Variants in FARS2 observed in about 807,000 individuals in gnomAD.
FARS2 encodes the protein phenylalanyl-tRNA synthetase 2, mitochondrial.
Under a neutral mutation model 46.4 loss-of-function variants are expected in FARS2, and 40 were observed. The observed-to-expected ratio is 0.86, with a 90% CI of 0.67 to 1.12. The LOEUF (loss-of-function observed/expected upper bound fraction) is 1.12, where lower values mean the gene tolerates loss of function less well. Ranked by LOEUF, FARS2 falls within the 50% of genes most tolerant of loss-of-function variation. The pLI, the probability that FARS2 is intolerant of heterozygous loss-of-function variation, is 0.00. For missense variants in FARS2, 513 were observed against 567.9 expected (o/e 0.90, Z 0.98); for synonymous variants, 234 against 214.9 (o/e 1.09, Z -0.78).
intron 6 of FARS2, among the ~76,000 whole-genome samples, chr6:5,688,803 A>G (rs1229894314): frequency 3.3e-5 from 5 of 152,224 alleles, no homozygotes; most frequent in African/African-American, 1.2e-4. Context: ...TATGTCTGGT[A>G]GAATTCGGCT....
chr6:5,301,410 C>G (rs1300055644), intron 1 of FARS2, among the ~76,000 whole-genome samples: 1 of 152,064 alleles, frequency 6.6e-6, no homozygotes, highest in Non-Finnish European at 1.5e-5. Flanking sequence ...GTGATCGTGC[C>G]ACTGTACTGT....
intron 1 of FARS2, among the ~76,000 whole-genome samples, chr6:5,298,129 A>G (rs17140129): frequency 0.15 from 23,499 of 152,200 alleles, 2,006 homozygotes; most frequent in African/African-American, 0.22. Context: ...GAGGATATGC[A>G]TTTTCCCTCA....
intron 6 of FARS2, among the ~76,000 whole-genome samples, chr6:5,641,471 A>T (rs1297382583): frequency 6.6e-6 from 1 of 151,984 alleles, no homozygotes; most frequent in East Asian, 1.9e-4. Flanking sequence ...TAATGTTTGT[A>T]TTTTTAGTAG....
At chr6:5,502,930 A>T (rs984428060) in intron 4 of FARS2, among the ~76,000 whole-genome samples, 1 of 152,036 alleles carries the variant, frequency 6.6e-6, no homozygotes, top group African/African-American at 2.4e-5. Flanking sequence ...GATTCATGGG[A>T]TAAGAGGAAT....
chr6:5,722,248 C>T (rs548330362), intron 6 of FARS2, among the ~76,000 whole-genome samples: 1 of 152,270 alleles, frequency 6.6e-6, no homozygotes, highest in African/African-American at 2.4e-5. Flanking sequence ...CAAATAAAGT[C>T]TTAATAGTAT....
intron 1 of FARS2, among the ~76,000 whole-genome samples, chr6:5,266,846 T>C (rs1451989300): frequency 6.6e-6 from 1 of 152,256 alleles, no homozygotes; most frequent in Non-Finnish European, 1.5e-5. Flanking sequence ...ATTTACATTT[T>C]ATTCTATTAA....
chr6:5,630,262 A>G lies in FARS2; in HGVS notation c.1217+16942A>G, dbSNP rs1269862925. ...GGAAGTCAAAGAGCAGAGGCTGGGA[A>G]TGAAAGCCATTGGAAGGTACAGTCT... On this transcript the variant is annotated intron_variant, in intron 6 of 6. Coordinates refer to ENST00000274680, the MANE Select transcript of FARS2 (RefSeq NM_006567.5). This position sits in a 1 kb window ranked among gnomAD's most constrained non-coding sequence, Gnocchi z 4.2. Among the ~76,000 whole-genome samples, 1 of 152,190 alleles carries G rather than the reference A, an allele frequency of 6.6e-6. No homozygotes were observed. Among genetic ancestry groups the G allele is most frequent in the Non-Finnish European group, 1.5e-5 (1 of 68,036 alleles).
At chr6:5,531,475 G>A (rs953249205) in intron 4 of FARS2, among the ~76,000 whole-genome samples, 1 of 152,132 alleles carries the variant, frequency 6.6e-6, no homozygotes, top group African/African-American at 2.4e-5. Context: ...GAGTTTTTTT[G>A]AGATGGTTGT....
intron 6 of FARS2, among the ~76,000 whole-genome samples, chr6:5,742,605 T>G (rs1337388847): frequency 6.6e-6 from 1 of 152,098 alleles, no homozygotes; most frequent in African/African-American, 2.4e-5. Flanking sequence ...GTTTTTCATT[T>G]TGTTTTCTTG....
chr6:5,572,452 C>A (rs1004261273), intron 5 of FARS2, among the ~76,000 whole-genome samples: 2 of 152,134 alleles, frequency 1.3e-5, no homozygotes, highest in Admixed American at 1.3e-4. Flanking sequence ...ACTGGGGATG[C>A]AATTCAGCAT....
intron 5 of FARS2, among the ~76,000 whole-genome samples, chr6:5,592,274 T>C (rs1773960697): frequency 6.6e-6 from 1 of 151,802 alleles, no homozygotes; most frequent in Non-Finnish European, 1.5e-5. Context: ...TAGTCCCAGC[T>C]ACTTGGGAGG....
At chr6:5,687,224 T>C (rs1468679216) in intron 6 of FARS2, among the ~76,000 whole-genome samples, 75 of 152,258 alleles carry the variant, frequency 4.9e-4, no homozygotes, top group Non-Finnish European at 2.1e-4. Flanking sequence ...TTGTCAATTT[T>C]GGCTTTTGTT....
At chr6:5,550,994 T>G (rs1582426380) in intron 5 of FARS2, among the ~76,000 whole-genome samples, 1 of 152,218 alleles carries the variant, frequency 6.6e-6, no homozygotes, top group African/African-American at 2.4e-5. Flanking sequence ...CACTTTTCTT[T>G]CAGCAAAACC....
At chr6:5,685,593 A>C (rs1016442744) in intron 6 of FARS2, among the ~76,000 whole-genome samples, 2 of 152,162 alleles carry the variant, frequency 1.3e-5, no homozygotes, top group African/African-American at 4.8e-5. Context: ...TTGGGGAGCA[A>C]TTTAAGCCAG....
chr6:5,491,681 T>C (rs149501786), intron 4 of FARS2, among the ~76,000 whole-genome samples: 2 of 152,328 alleles, frequency 1.3e-5, no homozygotes, highest in African/African-American at 4.8e-5. Flanking sequence ...TTTTCTTACA[T>C]GTTCATATTT....
chr6:5,306,439 GT>G (rs1455096667), intron 1 of FARS2, among the ~76,000 whole-genome samples: 1 of 152,170 alleles, frequency 6.6e-6, no homozygotes, highest in Non-Finnish European at 1.5e-5. Context: ...TCATTCCATG[GT>G]GGCTTGAGGC....
At chr6:5,257,256 C>A (rs562894554), upstream of FARS2, among the ~76,000 whole-genome samples, 1 of 152,254 alleles carries the variant, frequency 6.6e-6, no homozygotes, top group Admixed American at 6.5e-5. Flanking sequence ...TCACCGCCCC[C>A]CCAACCCCAT....
chr6:5,625,607 A>G (rs900764833), intron 6 of FARS2, among the ~76,000 whole-genome samples: 1 of 152,174 alleles, frequency 6.6e-6, no homozygotes, highest in East Asian at 1.9e-4. Context: ...TAGAGAGACA[A>G]GTGGCCAGTG....
chr6:5,460,802 A>G lies in FARS2; in HGVS notation c.904+29630A>G, dbSNP rs147714493. Among the ~76,000 whole-genome samples, 228 of 152,306 alleles carry G rather than the reference A, an allele frequency of 1.5e-3. 6 individuals are homozygous for G. The highest frequency in any genetic ancestry group is 5.1e-3 in the African/African-American group (214 of 41,566). ...CCTCCACCTTCACTTCTCAAGTCTTACTTGAGTACATCTAATTGGAGAAAC... is the reference window on the plus strand; with the variant it reads ...CCTCCACCTTCACTTCTCAAGTCTTGCTTGAGTACATCTAATTGGAGAAAC... On this transcript the variant is annotated intron_variant, in intron 4 of 6. Transcript: ENST00000274680.
Sources: allele counts gnomAD v4.1 joint callset (sites outside exome capture counted in the v4.1 genomes callset), GRCh38; gene constraint gnomAD v4.1.1; non-coding constraint Gnocchi (gnomAD v3.1); transcripts MANE v1.5; gene names NCBI Gene and HGNC (gene_info 2026-07-23, HGNC 2026-07-21).